Variants in FARP1 observed in about 807,000 individuals in gnomAD.
FARP1 encodes the protein FERM, ARHGEF and pleckstrin domain-containing protein 1.
In FARP1, 52 loss-of-function variants were observed where a neutral mutation model predicts 128.8. The ratio of observed to expected loss-of-function variants is 0.40; its 90% CI spans 0.32 to 0.51. The LOEUF (loss-of-function observed/expected upper bound fraction) is 0.51, where lower values mean the gene tolerates loss of function less well. Ranked by LOEUF, FARP1 falls within the 20% of genes least tolerant of loss-of-function variation. The pLI, the probability that FARP1 is intolerant of heterozygous loss-of-function variation, is 0.45. For synonymous variants in FARP1, 580 were observed against 551.8 expected (o/e 1.05, Z -0.72); for missense variants, 1,333 against 1,367.9 (o/e 0.97, Z 0.40).
intron 5 of FARP1, among the ~76,000 whole-genome samples, chr13:98,372,126 G>A (rs1302029266): frequency 4.0e-5 from 5 of 126,438 alleles, no homozygotes; most frequent in African/African-American, 6.1e-5. Context: ...TCGCTCTGTC[G>A]CCCAGGCTGG....
intron 2 of FARP1, among the ~76,000 whole-genome samples, chr13:98,249,819 G>A (rs151173408): frequency 1.3e-5 from 2 of 152,086 alleles, no homozygotes; most frequent in Non-Finnish European, 2.9e-5. Context: ...CCCCGTGGTG[G>A]TATTGACAAC....
intron 2 of FARP1, among the ~76,000 whole-genome samples, chr13:98,332,163 C>T (rs543174731): frequency 3.6e-4 from 54 of 152,066 alleles, no homozygotes; most frequent in Non-Finnish European, 6.6e-4. Flanking sequence ...TCAGCCATCC[C>T]CATGTCTCCA....
intron 16 of FARP1, among the ~76,000 whole-genome samples, chr13:98,419,028 G>A (rs1264006490): frequency 2.0e-5 from 3 of 152,302 alleles, no homozygotes; most frequent in Non-Finnish European, 4.4e-5. Context: ...TGTGTTTCCC[G>A]CAGCTGCCAA....
chr13:98,285,137 CAGGCAGTCTAG>C (rs1216238266), intron 2 of FARP1, among the ~76,000 whole-genome samples: 1 of 152,172 alleles, frequency 6.6e-6, no homozygotes, highest in Non-Finnish European at 1.5e-5. Flanking sequence ...TTCAATCAAG[CAGGCAGTCTAG>C]ATTGTAACAA....
At chr13:98,261,947 C>T (rs1883901412) in intron 2 of FARP1, among the ~76,000 whole-genome samples, 2 of 152,046 alleles carry the variant, frequency 1.3e-5, no homozygotes, top group Admixed American at 6.6e-5. Flanking sequence ...AGGGGACACC[C>T]AATTCCTTTA....
chr13:98,288,744 G>A (rs1885314330), intron 2 of FARP1, among the ~76,000 whole-genome samples: 1 of 152,204 alleles, frequency 6.6e-6, no homozygotes, highest in African/African-American at 2.4e-5. Context: ...GGTTCCACAA[G>A]TGTTTGAACG....
chr13:98,441,577 C>T (rs1248249309), intron 24 of FARP1, among the ~76,000 whole-genome samples: 3 of 152,180 alleles, frequency 2.0e-5, no homozygotes, highest in African/African-American at 7.2e-5. Flanking sequence ...GGGTATGGTG[C>T]GGGACCCTTT....
chr13:98,383,529 A>G (rs1889971015), intron 6 of FARP1: 1 of 152,234 alleles, frequency 6.6e-6, no homozygotes, highest in Admixed American at 6.5e-5. Flanking sequence ...GCTGGAGTGC[A>G]TTGCCCTAAG....
chr13:98,396,547 T>C, intron 13 of FARP1: 1 of 399,008 alleles, frequency 2.5e-6, no homozygotes, highest in Non-Finnish European at 4.4e-6. Flanking sequence ...GACCAGGGTT[T>C]CCCTAAAGAT....
chr13:98,408,898 G>T (rs1891079966), intron 13 of FARP1, among the ~76,000 whole-genome samples: 1 of 152,202 alleles, frequency 6.6e-6, no homozygotes, highest in Non-Finnish European at 1.5e-5. Flanking sequence ...ATTGTTACGG[G>T]ACGTAGTGTG....
At chr13:98,439,250 G>C in intron 21 of FARP1, 54 bp downstream of exon 21, 1 of 1,259,596 alleles carries the variant, frequency 7.9e-7, no homozygotes, top group East Asian at 2.3e-5. Flanking sequence ...CAGCAGGTGC[G>C]GGCGCTGCTG....
intron 3 of FARP1, among the ~76,000 whole-genome samples, chr13:98,349,090 T>G (rs1225236720): frequency 1.3e-5 from 2 of 152,234 alleles, no homozygotes; most frequent in Non-Finnish European, 2.9e-5. Context: ...ATTGGCCTAT[T>G]GAGGCTAGCT....
chr13:98,444,850 T>C (rs938919881), intron 24 of FARP1, among the ~76,000 whole-genome samples: 2 of 152,198 alleles, frequency 1.3e-5, no homozygotes, highest in Admixed American at 6.5e-5. Flanking sequence ...TTGCTCCATG[T>C]TGCGTGACCC....
At chr13:98,322,105 C>G (rs1367954629) in intron 2 of FARP1, among the ~76,000 whole-genome samples, 1 of 152,214 alleles carries the variant, frequency 6.6e-6, no homozygotes, top group East Asian at 1.9e-4. Flanking sequence ...CGAGACCAGC[C>G]TGGCCAATGT....
intron 14 of FARP1, among the ~76,000 whole-genome samples, chr13:98,409,838 A>C (rs1005537249): frequency 1.2e-4 from 19 of 152,230 alleles, no homozygotes; most frequent in African/African-American, 4.3e-4. Context: ...ACCTCATATA[A>C]GCAGAATCAC....
Position 98,444,257 on chromosome 13 carries a change from C to T in FARP1, c.2797-1841C>T, listed in dbSNP as rs148666658. On this transcript the variant is annotated intron_variant, in intron 24 of 26. Transcript: ENST00000319562. ...TCGTCCTAGTGACCTTACCTTGACTCGATCGCATCTGCAGAGACCCTGTGT... is the reference window on the plus strand; with the variant it reads ...TCGTCCTAGTGACCTTACCTTGACTTGATCGCATCTGCAGAGACCCTGTGT... 3.3e-3 allele frequency among the ~76,000 whole-genome samples: 498 copies of T among 152,194 alleles called. 6 individuals carry two copies. The highest frequency in any genetic ancestry group is 0.012 in the African/African-American group (478 of 41,506).
chr13:98,281,927 C>T (rs994752110), intron 2 of FARP1, among the ~76,000 whole-genome samples: 9 of 152,124 alleles, frequency 5.9e-5, no homozygotes, highest in African/African-American at 2.2e-4. Flanking sequence ...ATGTGGGGTC[C>T]GTGGGGCATG....
chr13:98,337,863 C>T (rs572892963), intron 2 of FARP1, among the ~76,000 whole-genome samples: 5 of 152,136 alleles, frequency 3.3e-5, no homozygotes, highest in African/African-American at 1.2e-4. Flanking sequence ...TTTTGCCAGA[C>T]ATATAAAAGA....
At chr13:98,253,371 G>A (rs1203863587) in intron 2 of FARP1, among the ~76,000 whole-genome samples, 1 of 152,166 alleles carries the variant, frequency 6.6e-6, no homozygotes, top group Non-Finnish European at 1.5e-5. Flanking sequence ...TTTTCCTGAT[G>A]CTCTCGCAGG....
Sources: allele counts gnomAD v4.1 joint callset (sites outside exome capture counted in the v4.1 genomes callset), GRCh38; gene constraint gnomAD v4.1.1; transcripts MANE v1.5; gene names NCBI Gene and HGNC (gene_info 2026-07-23, HGNC 2026-07-21).